The following WWOX variants were observed in gnomAD, a reference collection of about 807,000 sequenced individuals.
WWOX encodes WW domain containing oxidoreductase.
WWOX carries 69 observed loss-of-function variants against 46.2 expected under a neutral mutation model. The observed-to-expected ratio is 1.49, with a 90% CI of 1.23 to 1.82. The LOEUF is 1.82. Ranked by LOEUF, WWOX falls within the 40% of genes most tolerant of loss-of-function variation. WWOX has a pLI of 0.00. For synonymous variants in WWOX, 359 were observed against 202.6 expected (o/e 1.77, Z -6.56); for missense variants, 919 against 542.6 (o/e 1.69, Z -6.89).
At chr16:78,223,914 G>A (rs1172679958) in intron 5 of WWOX, among the ~76,000 whole-genome samples, 1 of 152,178 alleles carries the variant, frequency 6.6e-6, no homozygotes. Flanking sequence ...TATAGATGAG[G>A]AAACAGAGGC....
chr16:79,112,877 C>T (rs2049443672), intron 8 of WWOX, among the ~76,000 whole-genome samples: 1 of 152,318 alleles, frequency 6.6e-6, no homozygotes, highest in Middle Eastern at 3.4e-3. Flanking sequence ...GACCCAAACT[C>T]AAGTCTTGGA....
intron 8 of WWOX, among the ~76,000 whole-genome samples, chr16:78,542,440 G>A (rs369759360): frequency 1.8e-4 from 27 of 152,228 alleles, no homozygotes; most frequent in African/African-American, 3.9e-4. Context: ...CCCAGTTTGC[G>A]TTTGAATTTG....
intron 8 of WWOX, among the ~76,000 whole-genome samples, chr16:78,457,269 G>C (rs543497316): frequency 4.6e-5 from 7 of 152,158 alleles, no homozygotes; most frequent in Non-Finnish European, 7.3e-5. Context: ...AAGCTCTCCT[G>C]CAAATATTCC....
rs950116869 is a variant in WWOX, at chr16:78,902,819, T to C, written c.1057-308789T>C. On this transcript the variant is annotated intron_variant, in intron 8 of 8. Transcript: ENST00000566780. ...TCTGCCCTGTCCTCAGGCTTAGCCT[T>C]AGTGGGCCTGGTTTTTGCCCCCCTC... Among the ~76,000 whole-genome samples, 14 of 152,296 alleles carry C rather than the reference T, an allele frequency of 9.2e-5. No individual in the cohort carries two copies. In the South Asian group the frequency reaches 1.4e-3, roughly 16 times the overall value.
chr16:78,154,828 T>C (rs1597279115), intron 4 of WWOX, among the ~76,000 whole-genome samples: 2 of 152,150 alleles, frequency 1.3e-5, no homozygotes, highest in East Asian at 3.9e-4. Context: ...GATTCGGTGA[T>C]TGAGTTGTGA....
At chr16:79,178,465 A>G (rs1597449651) in intron 8 of WWOX, among the ~76,000 whole-genome samples, 4 of 152,040 alleles carry the variant, frequency 2.6e-5, no homozygotes, top group African/African-American at 9.7e-5. Context: ...ACAGGTGAGC[A>G]CCACCATGCC....
chr16:78,612,222 G>A (rs2045917906), intron 8 of WWOX, among the ~76,000 whole-genome samples: 1 of 152,206 alleles, frequency 6.6e-6, no homozygotes, highest in Non-Finnish European at 1.5e-5. Context: ...GGTGTAAATG[G>A]ACAAGAATGA....
intron 8 of WWOX, among the ~76,000 whole-genome samples, chr16:78,905,532 C>A (rs2044939827): frequency 6.6e-6 from 1 of 152,120 alleles, no homozygotes; most frequent in African/African-American, 2.4e-5. Flanking sequence ...TAGGCATGTT[C>A]CACCACACCT....
At chr16:78,830,697 C>T (rs953361664) in intron 8 of WWOX, among the ~76,000 whole-genome samples, 2 of 151,780 alleles carry the variant, frequency 1.3e-5, no homozygotes, top group African/African-American at 4.8e-5. Context: ...GGCCGTGCAG[C>T]TTTCTGGGCT....
chr16:78,659,928 C>G (rs72794733), intron 8 of WWOX, among the ~76,000 whole-genome samples: 7,535 of 152,198 alleles, frequency 0.05, 523 homozygotes, highest in African/African-American at 0.16. Context: ...GCTGTCACCA[C>G]CAGAAATTTA....
chr16:78,690,475 C>G (rs1355624432), intron 8 of WWOX, among the ~76,000 whole-genome samples: 2 of 152,002 alleles, frequency 1.3e-5, no homozygotes, highest in Non-Finnish European at 2.9e-5. Flanking sequence ...TTGCTTGGGC[C>G]CTGGACGTCA....
chr16:78,603,971 T>G (rs2045685019), intron 8 of WWOX, among the ~76,000 whole-genome samples: 1 of 151,848 alleles, frequency 6.6e-6, no homozygotes, highest in Non-Finnish European at 1.5e-5. Context: ...GGGAAACCCT[T>G]CTACTACAAG....
At chr16:78,485,966 A>G (rs1346929805) in intron 8 of WWOX, among the ~76,000 whole-genome samples, 1 of 152,254 alleles carries the variant, frequency 6.6e-6, no homozygotes, top group Non-Finnish European at 1.5e-5. Context: ...GATTTATTAA[A>G]TGACTCTGTT....
At chr16:78,167,435 G>A (rs1177395226) in intron 5 of WWOX, 1 of 152,190 alleles carries the variant, frequency 6.6e-6, no homozygotes, top group East Asian at 1.9e-4. Flanking sequence ...ACTCTAACAT[G>A]TAGTACCTTG....
At chr16:78,811,859 C>G (rs1225773565) in intron 8 of WWOX, among the ~76,000 whole-genome samples, 1 of 152,172 alleles carries the variant, frequency 6.6e-6, no homozygotes, top group Non-Finnish European at 1.5e-5. Flanking sequence ...GGTCAAGTTA[C>G]TTAAGCTTGG....
intron 8 of WWOX, among the ~76,000 whole-genome samples, chr16:78,846,409 C>G (rs760082090): frequency 1.3e-5 from 2 of 152,096 alleles, no homozygotes; most frequent in African/African-American, 2.4e-5. Context: ...CCCCTCTGGT[C>G]TGGGACAGTT....
intron 8 of WWOX, among the ~76,000 whole-genome samples, chr16:78,537,329 T>C (rs915257061): frequency 2.0e-5 from 3 of 152,308 alleles, no homozygotes; most frequent in African/African-American, 7.2e-5. Context: ...TGATACATGA[T>C]ATGCATTTTC....
chr16:79,028,659 G>A lies in WWOX; in HGVS notation c.1057-182949G>A, dbSNP rs532093921. On this transcript the variant is annotated intron_variant, in intron 8 of 8. Coordinates refer to ENST00000566780, the MANE Select transcript of WWOX (RefSeq NM_016373.4). ...TTGGGGGGAAAAAACGCTTCAGTGC[G>A]TGTTTCTTTCGACATTACACATAAG... Among the ~76,000 whole-genome samples the A allele has an allele frequency of 1.0e-3, 155 of 151,572 alleles. 9 individuals are homozygous for A. Among genetic ancestry groups the A allele is most frequent in the African/African-American group, 3.6e-3 (149 of 41,036 alleles).
chr16:78,100,800 G>T (rs1353775828), intron 1 of WWOX, among the ~76,000 whole-genome samples: 1 of 152,152 alleles, frequency 6.6e-6, no homozygotes, highest in African/African-American at 2.4e-5. Context: ...TTGCTCTTAA[G>T]ATACGACAGT....
Sources: gnomAD v4.1 joint callset for allele counts (sites outside exome capture counted in the v4.1 genomes callset) on GRCh38, gnomAD v4.1.1 for gene constraint, MANE v1.5 for transcripts, NCBI Gene and HGNC (gene_info 2026-07-23, HGNC 2026-07-21) for gene names.